The following NUCKS1 variants were observed in gnomAD, a reference collection of about 807,000 sequenced individuals.
NUCKS1 encodes nuclear casein kinase and cyclin dependent kinase substrate 1.
Under a neutral mutation model 33.0 loss-of-function variants are expected in NUCKS1, and 2 were observed. The observed-to-expected ratio is 0.06, with a 90% CI of 0.02 to 0.19. NUCKS1 has a LOEUF of 0.19. NUCKS1 is among the 10% of genes least tolerant of loss of function. The pLI, the probability that NUCKS1 is intolerant of heterozygous loss-of-function variation, is 1.00. For synonymous variants in NUCKS1, 106 were observed against 102.8 expected, an observed-to-expected ratio of 1.03 and a Z score of -0.19; for missense variants, 201 against 293.6, an observed-to-expected ratio of 0.68 and a Z score of 2.31.
chr1:205,729,518 G>T, intron 2 of NUCKS1, 54 bp downstream of exon 2: 1 of 1,155,110 alleles, frequency 8.7e-7, no homozygotes, highest in Non-Finnish European at 1.3e-6. Context: ...TATATAAGCT[G>T]GTAACCTCCA....
intron 1 of NUCKS1, among the ~76,000 whole-genome samples, chr1:205,742,600 G>A (rs978307459): frequency 2.6e-5 from 4 of 152,134 alleles, no homozygotes; most frequent in African/African-American, 9.7e-5. Flanking sequence ...CGAGGTGGGC[G>A]GATCACAAGG....
Position 205,750,015 on chromosome 1 carries a change from A to AGGGGGGGGGGGG in NUCKS1, c.-43_-42insCCCCCCCCCCCC. On this transcript the variant is annotated 5_prime_UTR_variant, in exon 1 of 7. Transcript: ENST00000367142. ...GGACCGAGTCGAGAAGCCAAAGACC[A>AGGGGGGGGGGGG]GGACCCCCCCCACCCCGCGCGCTCG... The AGGGGGGGGGGGG allele has an allele frequency of 1.3e-6, 2 of 1,506,268 alleles. No individual in the cohort carries two copies. Among genetic ancestry groups the AGGGGGGGGGGGG allele is most frequent in the Non-Finnish European group, 1.8e-6 (2 of 1,114,420 alleles). The allele number at this position is 1,506,268 out of a possible 1,614,324, so 93.3% of individuals were successfully genotyped here. A position where few individuals can be genotyped will look rare whatever the true frequency, so the allele number is the denominator to read the frequency against.
Position 205,715,756 on chromosome 1 carries a change from T to C in NUCKS1, c.*2524A>G, listed in dbSNP as rs1289319170. 8.5e-5 allele frequency: 13 copies of C among 152,222 alleles called. No individual in the cohort carries two copies. The highest frequency in any genetic ancestry group is 3.9e-4 in the Admixed American group (6 of 15,280). 9.4% of individuals were successfully genotyped at this position (152,222 alleles called of 1,614,324 possible). ...CTGCAAAATACGACAGTGAATGCTATTGCCATTTCACCATAGGCACACTAG... is the reference window on the plus strand; with the variant it reads ...CTGCAAAATACGACAGTGAATGCTACTGCCATTTCACCATAGGCACACTAG... On this transcript the variant is annotated 3_prime_UTR_variant, in exon 7 of 7. Transcript: ENST00000367142.
Position 205,750,105 on chromosome 1 carries a change from T to A in NUCKS1, c.-132A>T. On this transcript the variant is annotated 5_prime_UTR_variant, in exon 1 of 7. Transcript: ENST00000367142. ...GCTGCCGAACCCCGAGCTGCTGGCTTCTCAAACTCCGCTGCTCTTTGGTTC... is the reference window on the plus strand; with the variant it reads ...GCTGCCGAACCCCGAGCTGCTGGCTACTCAAACTCCGCTGCTCTTTGGTTC... The A allele has an allele frequency of 1.2e-6, 1 of 829,018 alleles. No homozygotes were observed. Among genetic ancestry groups the A allele is most frequent in the Non-Finnish European group, 1.9e-6 (1 of 535,248 alleles). 51.4% of individuals were successfully genotyped at this position (829,018 alleles called of 1,614,324 possible). A position where few individuals can be genotyped will look rare whatever the true frequency, so the allele number is the denominator to read the frequency against.
At position 205,718,378 on chromosome 1, in the gene NUCKS1, G is replaced by A; in HGVS notation, c.634C>T (p.Pro212Ser). The A allele has an allele frequency of 6.2e-7, 1 of 1,613,406 alleles. No homozygotes were observed. The highest frequency in any genetic ancestry group is 8.5e-7 in the Non-Finnish European group (1 of 1,179,948). Reference protein sequence around the residue: ...TPSPKEEDEEPESPPEKKTST... With the variant: ...TPSPKEEDEESESPPEKKTST... Reference sequence around the variant, plus strand: ...GTTTTCTTTTCTGGCGGGCTTTCCGGTTCCTCATCTTCTTCTTTGGGAGAA... The same window carrying A: ...GTTTTCTTTTCTGGCGGGCTTTCCGATTCCTCATCTTCTTCTTTGGGAGAA... Residue 212 changes from proline to serine, a missense_variant, in exon 7 of 7, where the codon CCG becomes TCG. Transcript: ENST00000367142.
At chr1:205,739,576 G>T (rs1264799144) in intron 1 of NUCKS1, among the ~76,000 whole-genome samples, 1 of 151,984 alleles carries the variant, frequency 6.6e-6, no homozygotes, top group South Asian at 2.1e-4. Flanking sequence ...GGGCTCAAGC[G>T]ATCTTCCCAC....
intron 3 of NUCKS1, among the ~76,000 whole-genome samples, chr1:205,727,432 T>C (rs951473845): frequency 1.3e-5 from 2 of 152,218 alleles, no homozygotes; most frequent in Admixed American, 6.5e-5. Flanking sequence ...CAAGCTTTAG[T>C]TGTAATTAAT....
At position 205,720,670 on chromosome 1, in the gene NUCKS1, A is replaced by G. The variant is rs1456083389; in HGVS notation, c.230-17T>C. The G allele has an allele frequency of 6.3e-7, 1 of 1,596,322 alleles. No homozygotes were observed. Among genetic ancestry groups the G allele is most frequent in the Non-Finnish European group, 8.5e-7 (1 of 1,172,388 alleles). ...CACTATCCTCTGCAATATCAGAATT[A>G]CCATGATATAATGATTAAAGAATTT... On this transcript the variant is annotated splice_polypyrimidine_tract_variant and intron_variant, in intron 4 of 6. Coordinates refer to ENST00000367142, the MANE Select transcript of NUCKS1 (RefSeq NM_022731.5).
intron 4 of NUCKS1, among the ~76,000 whole-genome samples, chr1:205,723,395 C>T (rs1474228588): frequency 6.6e-6 from 1 of 151,970 alleles, no homozygotes; most frequent in African/African-American, 2.4e-5. Context: ...ATGGAGACTC[C>T]CCATTAATTC....
At chr1:205,738,561 C>T (rs1654089166) in intron 1 of NUCKS1, among the ~76,000 whole-genome samples, 1 of 151,426 alleles carries the variant, frequency 6.6e-6, no homozygotes. Context: ...CAAAATTATA[C>T]TTAAAAATTT....
At position 205,733,629 on chromosome 1, in the gene NUCKS1, TAATA is replaced by T. The variant is rs1037735036; in HGVS notation, c.18-4012_18-4009del. 1.0e-3 allele frequency among the ~76,000 whole-genome samples: 152 copies of T among 151,728 alleles called. 1 individual carries two copies. In the Middle Eastern group the frequency reaches 0.017, roughly 17 times the overall value. On this transcript the variant is annotated intron_variant, in intron 1 of 6. Transcript: ENST00000367142. The stretch of plus-strand genomic sequence containing the variant: ...TTAAATGTTTAAATAATAAATTAAA[TAATA>T]AATAAAATATTTAATAAATAACATA...
chr1:205,722,865 T>A (rs1325831003), intron 4 of NUCKS1, among the ~76,000 whole-genome samples: 1 of 152,196 alleles, frequency 6.6e-6, no homozygotes, highest in African/African-American at 2.4e-5. Flanking sequence ...GTTCAAGTCA[T>A]CTCTTTCACT....
intron 3 of NUCKS1, among the ~76,000 whole-genome samples, chr1:205,726,959 G>C (rs970640797): frequency 6.6e-6 from 1 of 151,676 alleles, no homozygotes; most frequent in Non-Finnish European, 1.5e-5. Context: ...CAATATCCTC[G>C]TCTTGTTGTT....
At chr1:205,730,677 C>T (rs1044204823) in intron 1 of NUCKS1, among the ~76,000 whole-genome samples, 6 of 151,842 alleles carry the variant, frequency 4.0e-5, no homozygotes, top group Admixed American at 1.3e-4. Context: ...TTAGTAGAGA[C>T]GGGGTTTCAC....
chr1:205,736,995 C>G (rs76849409), intron 1 of NUCKS1, among the ~76,000 whole-genome samples: 1 of 152,178 alleles, frequency 6.6e-6, no homozygotes, highest in Non-Finnish European at 1.5e-5. Context: ...TATGACTATT[C>G]CCACTTTTTC....
At position 205,713,147 on chromosome 1, in the gene NUCKS1, G is replaced by C. The variant is rs987835518; in HGVS notation, c.*5133C>G. On this transcript the variant is annotated 3_prime_UTR_variant, in exon 7 of 7. Transcript: ENST00000367142. ...CTGATTAACAAAGCTGTGTAAGTTA[G>C]TGTGTTTGCTTTAAGGTATTACAAG... 2.6e-5 allele frequency: 4 copies of C among 152,144 alleles called. No individual in the cohort carries two copies. The highest frequency in any genetic ancestry group is 6.5e-5 in the Admixed American group (1 of 15,278). The allele number at this position is 152,144 out of a possible 1,614,324, so 9.4% of individuals were successfully genotyped here. A position where few individuals can be genotyped will look rare whatever the true frequency, so the allele number is the denominator to read the frequency against.
chr1:205,740,820 A>AGTATATATATATATATATACTTAGTAT (rs1376972616), intron 1 of NUCKS1, among the ~76,000 whole-genome samples: 3 of 41,456 alleles, frequency 7.2e-5, no homozygotes, highest in South Asian at 8.1e-4. Context: ...TCTCCTACTA[A>AGTATATATATATATATATACTTAGTAT]GTATATATAT....
intron 1 of NUCKS1, among the ~76,000 whole-genome samples, chr1:205,749,743 C>CGCGGG (rs1391891912): frequency 1.3e-5 from 2 of 150,802 alleles, no homozygotes; most frequent in African/African-American, 4.9e-5. Flanking sequence ...CCTGCAGCGG[C>CGCGGG]GCGGGGCGGG....
rs915547620 is a variant in NUCKS1 at position 205,716,111 on chromosome 1, A to G, written c.*2169T>C. On this transcript the variant is annotated 3_prime_UTR_variant, in exon 7 of 7. Coordinates refer to ENST00000367142, the MANE Select transcript of NUCKS1 (RefSeq NM_022731.5). ...AAAGGGACCCTAAACAAGAAGCCCA[A>G]TCAAATGCACACAAGTAATCTAGAA... 2.0e-5 allele frequency: 3 copies of G among 152,250 alleles called. No homozygotes were observed. The highest frequency in any genetic ancestry group is 4.4e-5 in the Non-Finnish European group (3 of 68,038). The allele number at this position is 152,250 out of a possible 1,614,324, so 9.4% of individuals were successfully genotyped here.
Sources: gnomAD v4.1 joint callset for allele counts (sites outside exome capture counted in the v4.1 genomes callset) on GRCh38, gnomAD v4.1.1 for gene constraint, MANE v1.5 for transcripts, NCBI Gene and HGNC (gene_info 2026-07-23, HGNC 2026-07-21) for gene names.